ZFP14: variants seen among roughly 807,000 people sequenced by gnomAD.
ZFP14 encodes ZFP14 zinc finger protein.
ZFP14 carries 22 observed loss-of-function variants against 54.5 expected under a neutral mutation model. That is an observed-to-expected ratio of 0.40 (90% CI 0.29 to 0.58). The LOEUF (loss-of-function observed/expected upper bound fraction) is 0.58. ZFP14 is among the 20% of genes least tolerant of loss of function. The pLI, the probability that ZFP14 is intolerant of heterozygous loss-of-function variation, is 0.39. For synonymous variants in ZFP14, 159 were observed against 204.0 expected, an observed-to-expected ratio of 0.78 and a Z score of 1.88; for missense variants, 470 against 637.8, an observed-to-expected ratio of 0.74 and a Z score of 2.83.
chr19:36,357,755 T>G (rs190182366), intron 4 of ZFP14, among the ~76,000 whole-genome samples: 43 of 140,934 alleles, frequency 3.1e-4, no homozygotes, highest in African/African-American at 2.9e-4. Flanking sequence ...TTTGTTTTTT[T>G]TTTTGAGATA....
intron 4 of ZFP14, among the ~76,000 whole-genome samples, chr19:36,348,337 T>C (rs2031455455): frequency 6.6e-6 from 1 of 152,174 alleles, no homozygotes; most frequent in South Asian, 2.1e-4. Context: ...TATACAAATA[T>C]ATAGCTATCA....
chr19:36,368,007 G>T, intron 1 of ZFP14, 36 bp from the exon 2 acceptor site: 1 of 1,228,670 alleles, frequency 8.1e-7, no homozygotes, highest in East Asian at 2.5e-5. Flanking sequence ...AATAAGCTGC[G>T]CCACAGAGCT....
intron 4 of ZFP14, among the ~76,000 whole-genome samples, chr19:36,347,138 T>G (rs55825342): frequency 0.054 from 8,247 of 152,286 alleles, 253 homozygotes; most frequent in Non-Finnish European, 0.066. Flanking sequence ...ACTGAGAGCA[T>G]GTGTTTCCTG....
Position 36,340,820 on chromosome 19 carries a change from C to A in ZFP14, c.1006G>T (p.Gly336Cys), listed in dbSNP as rs749848475. The change falls in exon 5 of 5, where the codon GGT becomes TGT. Residue 336 changes from glycine (G) to cysteine (C), a missense_variant. Transcript: ENST00000270001. The surrounding 1 kb of genome is among the most constrained non-coding windows in gnomAD (Gnocchi z 5.4). ...TCCTTACATTCATAGGGTTTCTCAC[C>A]AAAATGAATTTTCTGATGTACTCTA... is the stretch of plus-strand genomic sequence containing the variant. ...DLRVHQKIHF[G>C]EKPYECKECG... is the part of the protein sequence containing the mutation. 495 of 1,613,898 alleles carry A rather than the reference C, an allele frequency of 3.1e-4. No individual in the cohort carries two copies. Among genetic ancestry groups the A allele is most frequent in the Non-Finnish European group, 3.9e-4 (462 of 1,180,024 alleles).
chr19:36,377,546 T>TG (rs746062541), intron 1 of ZFP14, among the ~76,000 whole-genome samples: 1 of 137,528 alleles, frequency 7.3e-6, no homozygotes, highest in Non-Finnish European at 1.6e-5. Context: ...ACCCTGTCTC[T>TG]AAAAAAAAAA....
In ZFP14 at chr19:36,351,436, T is replaced by C. The variant is rs1448304323; in HGVS notation, c.235+8999A>G. ...ATTGCTTGAACCCAGGAGGCAGAGG[T>C]TGCAGTGAGCCAGGATCCCACCACT... On this transcript the variant is annotated intron_variant, in intron 4 of 4. Coordinates refer to ENST00000270001, the MANE Select transcript of ZFP14 (RefSeq NM_020917.3). Among the ~76,000 whole-genome samples, 3 of 141,322 alleles carry C rather than the reference T, an allele frequency of 2.1e-5. 1 individual carries two copies. In the Admixed American group the frequency reaches 2.2e-4, roughly 10 times the overall value. 92.7% of individuals were successfully genotyped at this position (141,322 alleles called of 152,430 possible).
rs1292330640 is a variant in ZFP14, at chr19:36,338,569, A to AACAGGGT, written c.*1648_*1654dup. Reference sequence around the variant, plus strand: ...GGAAGAATCACTTGAGCCCAGGAGGAACAGGGTACAGTGAACTGTGCTTGT... The same window carrying AACAGGGT: ...GGAAGAATCACTTGAGCCCAGGAGGAACAGGGTACAGGGTACAGTGAACTGTGCTTGT... On this transcript the variant is annotated 3_prime_UTR_variant, in exon 5 of 5. Coordinates refer to ENST00000270001, the MANE Select transcript of ZFP14 (RefSeq NM_020917.3). 6.6e-6 allele frequency: 1 copy of AACAGGGT among 151,960 alleles called. No homozygotes were observed. Among genetic ancestry groups the AACAGGGT allele is most frequent in the Non-Finnish European group, 1.5e-5 (1 of 68,012 alleles). 9.4% of individuals were successfully genotyped at this position (151,960 alleles called of 1,614,324 possible).
chr19:36,378,272 A>G (rs1489004043), intron 1 of ZFP14: 2 of 152,262 alleles, frequency 1.3e-5, no homozygotes, highest in Non-Finnish European at 2.9e-5. Context: ...GGGTATCCCC[A>G]GTAATAAAAT....
intron 4 of ZFP14, among the ~76,000 whole-genome samples, chr19:36,344,305 T>C (rs1317063455): frequency 6.6e-6 from 1 of 152,124 alleles, no homozygotes. Flanking sequence ...CACCTGGCCA[T>C]GCACATTCTT....
chr19:36,362,367 TTG>T, intron 2 of ZFP14, 129 bp from the exon 3 acceptor site: 1 of 959,596 alleles, frequency 1.0e-6, no homozygotes, highest in Non-Finnish European at 1.5e-6. Context: ...GGCTGAAAAC[TTG>T]TGACATGAGT....
At chr19:36,352,258 A>G (rs959979168) in intron 4 of ZFP14, among the ~76,000 whole-genome samples, 3 of 143,596 alleles carry the variant, frequency 2.1e-5, no homozygotes, top group South Asian at 4.4e-4. Flanking sequence ...GATTCAATGC[A>G]ATAAGTAAAT....
intron 1 of ZFP14, chr19:36,378,314 G>T (rs2145568081): frequency 6.6e-6 from 1 of 152,232 alleles, no homozygotes; most frequent in South Asian, 2.1e-4. Context: ...GAACATCACT[G>T]GTAAGAAAAC....
At chr19:36,356,629 C>T (rs1366937912) in intron 4 of ZFP14, among the ~76,000 whole-genome samples, 2 of 152,070 alleles carry the variant, frequency 1.3e-5, no homozygotes, top group Non-Finnish European at 2.9e-5. Flanking sequence ...CCTTTCTAAC[C>T]CGAACCATCC....
intron 2 of ZFP14, among the ~76,000 whole-genome samples, chr19:36,366,899 A>T (rs1600082859): frequency 6.6e-6 from 1 of 152,130 alleles, no homozygotes; most frequent in African/African-American, 2.4e-5. Context: ...CATACCTGTA[A>T]TCTTAGCACT....
chr19:36,363,023 A>G (rs1029819115), intron 2 of ZFP14, among the ~76,000 whole-genome samples: 3 of 151,920 alleles, frequency 2.0e-5, no homozygotes, highest in Admixed American at 2.0e-4. Context: ...CCAATTCTCA[A>G]CGTCTACAAT....
intron 1 of ZFP14, among the ~76,000 whole-genome samples, chr19:36,375,567 CT>C (rs139409068): frequency 0.64 from 75,624 of 117,310 alleles, 23,880 homozygotes; most frequent in Admixed American, 0.67. Flanking sequence ...TTTGTATTTT[CT>C]TTTTTTTTTT....
rs765171537 is a variant in ZFP14 at position 36,353,578 on chromosome 19, A to G, written c.235+6857T>C. Among the ~76,000 whole-genome samples the G allele has an allele frequency of 7.2e-5, 10 of 139,702 alleles. 1 individual carries two copies. The highest frequency in any genetic ancestry group is 6.7e-4 in the Admixed American group (9 of 13,472). The allele number at this position is 139,702 out of a possible 152,430, so 91.6% of individuals were successfully genotyped here. A position where few individuals can be genotyped will look rare whatever the true frequency, so the allele number is the denominator to read the frequency against. The stretch of plus-strand genomic sequence containing the variant: ...GCTGAGCGTGGTAGCGTGTGCCTGT[A>G]ATCCCAGCTACTCGGGAGGCTGAGG... On this transcript the variant is annotated intron_variant, in intron 4 of 4. Transcript: ENST00000270001.
chr19:36,353,127 C>G (rs1375769740), intron 4 of ZFP14, among the ~76,000 whole-genome samples: 1 of 141,630 alleles, frequency 7.1e-6, no homozygotes, highest in African/African-American at 2.6e-5. Context: ...CTTACCCACA[C>G]TGGGGATGGG....
intron 4 of ZFP14, among the ~76,000 whole-genome samples, chr19:36,358,049 T>TATCG (rs774626324): frequency 8.5e-6 from 1 of 117,872 alleles, no homozygotes; most frequent in Non-Finnish European, 1.8e-5. Context: ...GGCTCTGATC[T>TATCG]ATCTATCTAT....
Sources: gnomAD v4.1 joint callset for allele counts (sites outside exome capture counted in the v4.1 genomes callset) on GRCh38, gnomAD v4.1.1 for gene constraint, Gnocchi (gnomAD v3.1) non-coding constraint, MANE v1.5 for transcripts, NCBI Gene and HGNC (gene_info 2026-07-23, HGNC 2026-07-21) for gene names.